Variants in NAALADL2 observed in about 807,000 individuals in gnomAD.
NAALADL2 encodes N-acetylated alpha-linked acidic dipeptidase like 2.
A neutral mutation model predicts 87.2 loss-of-function variants in NAALADL2; 76 were observed. The ratio of observed to expected loss-of-function variants is 0.87; its 90% CI spans 0.72 to 1.05. The LOEUF is 1.05. Among genes scored for constraint, NAALADL2 ranks in the 50% least tolerant of loss-of-function variants. The pLI is 0.00. For synonymous variants in NAALADL2, 354 were observed against 331.0 expected (o/e 1.07, Z -0.75); for missense variants, 1,089 against 945.8 (o/e 1.15, Z -1.99).
At chr3:175,302,318 T>C (rs1041183467) in intron 4 of NAALADL2, among the ~76,000 whole-genome samples, 1 of 152,180 alleles carries the variant, frequency 6.6e-6, no homozygotes, top group African/African-American at 2.4e-5. Context: ...CTCACTGACA[T>C]ATGTATTTCA....
Position 175,809,500 on chromosome 3 carries a change from C to A in NAALADL2, c.*6297C>A, listed in dbSNP as rs778121184. 9.6e-6 allele frequency: 1 copy of A among 103,708 alleles called. No homozygotes were observed. The highest frequency in any genetic ancestry group is 4.3e-5 in the African/African-American group (1 of 23,324). The allele number at this position is 103,708 out of a possible 1,614,324, so 6.4% of individuals were successfully genotyped here. A position where few individuals can be genotyped will look rare whatever the true frequency, so the allele number is the denominator to read the frequency against. ...AATAGCCTGGGCAACAAAGTGAGAC[C>A]CTGTCTCTCTTAAAAAAAAAAAAAA... On this transcript the variant is annotated 3_prime_UTR_variant, in exon 14 of 14. Transcript: ENST00000454872.
At chr3:175,713,256 A>G (rs1740772532) in intron 11 of NAALADL2, among the ~76,000 whole-genome samples, 2 of 152,162 alleles carry the variant, frequency 1.3e-5, no homozygotes, top group African/African-American at 4.8e-5. Context: ...ACAACAATTT[A>G]AAATAAGCTG....
chr3:175,474,025 G>T (rs1300463417), intron 9 of NAALADL2, among the ~76,000 whole-genome samples: 2 of 152,130 alleles, frequency 1.3e-5, no homozygotes, highest in Non-Finnish European at 2.9e-5. Context: ...CCCACCAACA[G>T]CATATAAGCA....
chr3:174,602,673 C>T (rs1215020528), intron 2 of NAALADL2, among the ~76,000 whole-genome samples: 1 of 151,960 alleles, frequency 6.6e-6, no homozygotes, highest in African/African-American at 2.4e-5. Flanking sequence ...TGTTGAATTA[C>T]TGTGATGATG....
intron 13 of NAALADL2, among the ~76,000 whole-genome samples, chr3:175,786,890 G>T (rs1214481967): frequency 6.6e-6 from 1 of 152,044 alleles, no homozygotes; most frequent in Non-Finnish European, 1.5e-5. Context: ...ATGGGTTTTT[G>T]GTGTGGATGT....
At chr3:174,774,603 C>G (rs568200110) in intron 3 of NAALADL2, among the ~76,000 whole-genome samples, 3 of 152,282 alleles carry the variant, frequency 2.0e-5, no homozygotes, top group African/African-American at 7.2e-5. Context: ...TTACTAAGTA[C>G]ATGTCTTTTT....
chr3:175,572,028 T>G (rs1048069115), intron 9 of NAALADL2, among the ~76,000 whole-genome samples: 1 of 151,984 alleles, frequency 6.6e-6, no homozygotes, highest in African/African-American at 2.4e-5. Context: ...GAAAAGATTG[T>G]GTGTGGAGTG....
intron 1 of NAALADL2, among the ~76,000 whole-genome samples, chr3:174,441,535 C>A (rs575263678): frequency 1.3e-5 from 2 of 152,294 alleles, no homozygotes; most frequent in Non-Finnish European, 2.9e-5. Context: ...CGCCCCCGCG[C>A]GTGGAATGCC....
intron 2 of NAALADL2, among the ~76,000 whole-genome samples, chr3:174,679,258 A>G (rs1475479026): frequency 6.6e-6 from 1 of 152,096 alleles, no homozygotes; most frequent in South Asian, 2.1e-4. Context: ...CACTGTGGAT[A>G]TTATATTTAT....
chr3:174,806,720 T>C (rs922352125), intron 3 of NAALADL2, among the ~76,000 whole-genome samples: 2 of 152,188 alleles, frequency 1.3e-5, no homozygotes, highest in African/African-American at 4.8e-5. Context: ...TTCTACACTT[T>C]CTCAGGTTGT....
At chr3:175,076,514 G>A (rs1158636634) in intron 1 of NAALADL2, among the ~76,000 whole-genome samples, 2 of 151,984 alleles carry the variant, frequency 1.3e-5, no homozygotes, top group South Asian at 4.2e-4. Context: ...CAAAGAAAAG[G>A]GGAAGTTCAT....
intron 1 of NAALADL2, among the ~76,000 whole-genome samples, chr3:174,977,077 A>G (rs1490530124): frequency 6.6e-6 from 1 of 152,184 alleles, no homozygotes; most frequent in Non-Finnish European, 1.5e-5. Context: ...TCTAAGGCCA[A>G]ATAGGATGTA....
rs114959065 is a variant in NAALADL2 at position 175,462,383 on chromosome 3, T to G, written c.1235-1018T>G. ...TTTCTAAAGGCCTCTTTACTTTTGT[T>G]TTGGTTATTATTTTAATGGATTCAG... is the stretch of plus-strand genomic sequence containing the variant. On this transcript the variant is annotated intron_variant, in intron 6 of 13. Coordinates refer to ENST00000454872, the MANE Select transcript of NAALADL2 (RefSeq NM_207015.3). 9.6e-3 allele frequency among the ~76,000 whole-genome samples: 1,463 copies of G among 152,266 alleles called. 15 individuals are homozygous for G. The highest frequency in any genetic ancestry group is 0.016 in the Non-Finnish European group (1,097 of 68,006).
At chr3:174,912,986 T>C (rs1276760026) in intron 1 of NAALADL2, among the ~76,000 whole-genome samples, 1 of 152,198 alleles carries the variant, frequency 6.6e-6, no homozygotes, top group African/African-American at 2.4e-5. Context: ...GTTTCTAAAA[T>C]ACACATATTT....
At chr3:175,253,773 T>C (rs114712659) in intron 3 of NAALADL2, among the ~76,000 whole-genome samples, 1,613 of 152,218 alleles carry the variant, frequency 0.011, 28 homozygotes, top group African/African-American at 0.038. Flanking sequence ...TTTCAACCCT[T>C]ATAGACGAGT....
At chr3:175,032,664 GTTC>G (rs1752937202) in intron 1 of NAALADL2, among the ~76,000 whole-genome samples, 1 of 151,910 alleles carries the variant, frequency 6.6e-6, no homozygotes, top group Admixed American at 6.6e-5. Flanking sequence ...TTTCCTCAAA[GTTC>G]TTCTCACGAA....
intron 1 of NAALADL2, among the ~76,000 whole-genome samples, chr3:174,890,342 G>A (rs554552617): frequency 1.1e-4 from 17 of 152,022 alleles, no homozygotes; most frequent in Admixed American, 8.5e-4. Context: ...CAGTTCTCTG[G>A]GAGATAGCAA....
chr3:175,352,339 T>C (rs75649546), intron 5 of NAALADL2, among the ~76,000 whole-genome samples: 2,144 of 152,094 alleles, frequency 0.014, 52 homozygotes, highest in African/African-American at 0.05. Flanking sequence ...CTGTCAGCAG[T>C]CAAACAACAA....
Position 175,686,550 on chromosome 3 carries a change from T to G in NAALADL2, c.1897-50756T>G, listed in dbSNP as rs139328535. Among the ~76,000 whole-genome samples the G allele has an allele frequency of 7.7e-3, 1,163 of 151,844 alleles. 16 individuals are homozygous for G. The highest frequency in any genetic ancestry group is 0.027 in the African/African-American group (1,096 of 41,264). On this transcript the variant is annotated intron_variant, in intron 11 of 13. Transcript: ENST00000454872. Reference sequence around the variant, plus strand: ...TATTTACATACATATTAATACTCTTTTAGGTAAAGAATTAAAAGTTCAACT... The same window carrying G: ...TATTTACATACATATTAATACTCTTGTAGGTAAAGAATTAAAAGTTCAACT...
Sources: gnomAD v4.1 joint callset for allele counts (sites outside exome capture counted in the v4.1 genomes callset) on GRCh38, gnomAD v4.1.1 for gene constraint, MANE v1.5 for transcripts, NCBI Gene and HGNC (gene_info 2026-07-23, HGNC 2026-07-21) for gene names.